Variants in EPAS1 observed in about 807,000 individuals in gnomAD.
EPAS1 encodes endothelial PAS domain-containing protein 1.
Under a neutral mutation model 87.9 loss-of-function variants are expected in EPAS1, and 23 were observed. The ratio of observed to expected loss-of-function variants is 0.26; its 90% CI spans 0.19 to 0.37. EPAS1 has a LOEUF of 0.37. Among genes scored for constraint, EPAS1 ranks in the 10% least tolerant of loss-of-function variants. The pLI is 1.00. For missense variants in EPAS1, 1,138 were observed against 1,120.7 expected, an observed-to-expected ratio of 1.02 and a Z score of -0.22; for synonymous variants, 508 against 444.3, an observed-to-expected ratio of 1.14 and a Z score of -1.80.
intron 2 of EPAS1, among the ~76,000 whole-genome samples, chr2:46,352,858 C>T (rs766590865): frequency 8.5e-5 from 13 of 152,224 alleles, no homozygotes; most frequent in African/African-American, 4.8e-5. Context: ...CTCTCCCTCC[C>T]GGAGGCCAGC....
chr2:46,364,648 T>C (rs551223693), intron 6 of EPAS1, among the ~76,000 whole-genome samples: 21 of 152,250 alleles, frequency 1.4e-4, no homozygotes, highest in Non-Finnish European at 2.5e-4. Flanking sequence ...GTAAATTTCA[T>C]AACAATTCAT....
intron 1 of EPAS1, among the ~76,000 whole-genome samples, chr2:46,338,382 C>T (rs1683840896): frequency 6.6e-6 from 1 of 152,194 alleles, no homozygotes; most frequent in Non-Finnish European, 1.5e-5. Context: ...GTTAATTAGT[C>T]TCTTAGCTGA....
chr2:46,314,356 C>T (rs148390964), intron 1 of EPAS1, among the ~76,000 whole-genome samples: 44 of 152,294 alleles, frequency 2.9e-4, no homozygotes, highest in Non-Finnish European at 4.6e-4. Context: ...GCTGGCTCTG[C>T]GTGTTGAAAC....
In EPAS1 at chr2:46,380,637, G is replaced by A. The variant is rs137974504; in HGVS notation, c.1965G>A (p.Gly655=). ...LHFGPTKWAV[G]DQRTEFLGAA... ...TTGGGCCCACAAAGTGGGCCGTCGG[G>A]GATCAGCGCACAGAGTTCTTGGGAG... is the stretch of plus-strand genomic sequence containing the variant. The change falls in exon 12 of 16, where the codon GGG becomes GGA. Residue 655 remains glycine (G), a synonymous_variant. Transcript: ENST00000263734. This position sits in a 1 kb window ranked among gnomAD's most constrained non-coding sequence, Gnocchi z 4.4. 6.2e-7 allele frequency: 1 copy of A among 1,614,102 alleles called. No individual in the cohort carries two copies. Among genetic ancestry groups the A allele is most frequent in the African/African-American group, 1.3e-5 (1 of 75,028 alleles).
intron 6 of EPAS1, among the ~76,000 whole-genome samples, chr2:46,362,954 G>C (rs1219230834): frequency 1.5e-5 from 1 of 66,392 alleles, no homozygotes; most frequent in African/African-American, 8.2e-5. Context: ...GTAATTGTTA[G>C]TGGTGGTGGT....
At chr2:46,378,894 A>G in intron 11 of EPAS1, 127 bp downstream of exon 11, 1 of 885,260 alleles carries the variant, frequency 1.1e-6, no homozygotes, top group African/African-American at 1.6e-5. Context: ...GCCAAGGCCC[A>G]GGTCCCCTAA....
chr2:46,343,378 T>C (rs1055534256), intron 1 of EPAS1, among the ~76,000 whole-genome samples: 10 of 152,210 alleles, frequency 6.6e-5, no homozygotes. Context: ...ATCCAGGTTG[T>C]GGGAAAGTAT....
chr2:46,301,475 G>A (rs2346418), intron 1 of EPAS1, among the ~76,000 whole-genome samples: 59,323 of 151,466 alleles, frequency 0.39, 14,498 homozygotes, highest in Middle Eastern at 0.58. Context: ...TATTCTGGAG[G>A]CTGAGGCAGG....
chr2:46,329,559 C>T (rs377346523), intron 1 of EPAS1, among the ~76,000 whole-genome samples: 8 of 152,062 alleles, frequency 5.3e-5, no homozygotes, highest in African/African-American at 1.4e-4. Context: ...CGTGGTGGCT[C>T]GCGCCTGTAA....
intron 6 of EPAS1, among the ~76,000 whole-genome samples, chr2:46,363,081 G>GT (rs1684434779): frequency 6.6e-6 from 1 of 152,112 alleles, no homozygotes; most frequent in Admixed American, 6.5e-5. Context: ...AGGAATCCAT[G>GT]TTATAGGTAA....
rs747743552 is a variant in EPAS1, at chr2:46,380,090, C to A, written c.1555-137C>A. 132 of 1,424,918 alleles carry A rather than the reference C, an allele frequency of 9.3e-5. No homozygotes were observed. The highest frequency in any genetic ancestry group is 1.2e-4 in the Non-Finnish European group (123 of 1,023,460). 88.3% of individuals were successfully genotyped at this position (1,424,918 alleles called of 1,614,324 possible). A position where few individuals can be genotyped will look rare whatever the true frequency, so the allele number is the denominator to read the frequency against. ...GTCTGAGGTTTTCCTGATAGGCCCTCGGGAGCCAGTGGAGGCGTTTGAGCA... is the reference window on the plus strand; with the variant it reads ...GTCTGAGGTTTTCCTGATAGGCCCTAGGGAGCCAGTGGAGGCGTTTGAGCA... On this transcript the variant is annotated intron_variant, in intron 11 of 15. Transcript: ENST00000263734. The surrounding 1 kb of genome is among the most constrained non-coding windows in gnomAD (Gnocchi z 4.4).
chr2:46,369,421 C>T (rs908075396), intron 6 of EPAS1, among the ~76,000 whole-genome samples: 1 of 152,208 alleles, frequency 6.6e-6, no homozygotes, highest in African/African-American at 2.4e-5. Context: ...CATTCTTGCT[C>T]TGTCCCTGGA....
chr2:46,358,020 C>A (rs1448614117), intron 4 of EPAS1, among the ~76,000 whole-genome samples: 1 of 152,198 alleles, frequency 6.6e-6, no homozygotes, highest in Non-Finnish European at 1.5e-5. Flanking sequence ...GTCTAGATGT[C>A]CTCTTTAACA....
chr2:46,376,583 A>C lies in EPAS1; in HGVS notation c.1079A>C (p.Glu360Ala). 1 of 1,614,196 alleles carries C rather than the reference A, an allele frequency of 6.2e-7. No homozygotes were observed. The highest frequency in any genetic ancestry group is 2.2e-5 in the East Asian group (1 of 44,886). ...GTGGTGTTCTCCATGGACCAGACTG[A>C]ATCCCTGTTCAAGCCCCACCTGATG... ...NDVVFSMDQT[E>A]SLFKPHLMAM... Residue 360 changes from glutamate (E) to alanine (A), a missense_variant, in exon 9 of 16, where the codon GAA becomes GCA. By Grantham distance (107) the Glu-to-Ala change is moderately radical. Transcript: ENST00000263734.
In EPAS1 at chr2:46,371,908, A is replaced by T. The variant is rs535024126; in HGVS notation, c.886+1975A>T. 3.3e-5 allele frequency among the ~76,000 whole-genome samples: 5 copies of T among 152,182 alleles called. No individual in the cohort carries two copies. Among genetic ancestry groups the T allele is most frequent in the Non-Finnish European group, 5.9e-5 (4 of 68,026 alleles). ...ACAGTATTACCTTTTATCTTGTAGG[A>T]TGGGAAAGCAGAAGAAGCTACTGTC... On this transcript the variant is annotated intron_variant, in intron 7 of 15. Coordinates refer to ENST00000263734, the MANE Select transcript of EPAS1 (RefSeq NM_001430.5). The surrounding 1 kb of genome is among the most constrained non-coding windows in gnomAD (Gnocchi z 4.3).
intron 13 of EPAS1, 76 bp from the exon 14 acceptor site, chr2:46,381,899 G>GGGCCCC: frequency 1.3e-5 from 17 of 1,346,784 alleles, no homozygotes; most frequent in Non-Finnish European, 1.7e-5. Flanking sequence ...CCTGTTCCAG[G>GGGCCCC]CCCACCCAAC....
chr2:46,311,322 G>A (rs866495859), intron 1 of EPAS1, among the ~76,000 whole-genome samples: 79 of 152,260 alleles, frequency 5.2e-4, no homozygotes, highest in African/African-American at 1.6e-3. Context: ...CTCTGTGCAG[G>A]CTGCTGAGCC....
intron 6 of EPAS1, among the ~76,000 whole-genome samples, chr2:46,363,335 A>G (rs921437622): frequency 3.9e-5 from 6 of 152,218 alleles, no homozygotes; most frequent in African/African-American, 9.7e-5. Flanking sequence ...CATCCGTAAC[A>G]TAACTCCATA....
intron 1 of EPAS1, among the ~76,000 whole-genome samples, chr2:46,328,029 C>G (rs1217988249): frequency 6.6e-6 from 1 of 152,196 alleles, no homozygotes; most frequent in African/African-American, 2.4e-5. Context: ...TTTGAGAAAA[C>G]TTGGCAACAG....
Sources: allele counts gnomAD v4.1 joint callset (sites outside exome capture counted in the v4.1 genomes callset), GRCh38; gene constraint gnomAD v4.1.1; non-coding constraint Gnocchi (gnomAD v3.1); transcripts MANE v1.5; gene names NCBI Gene and HGNC (gene_info 2026-07-23, HGNC 2026-07-21).